Variants in WDR72 observed in about 807,000 individuals in gnomAD.
WDR72 encodes the protein WD repeat domain 72.
WDR72 carries 120 observed loss-of-function variants against 124.2 expected under a neutral mutation model. The ratio of observed to expected loss-of-function variants is 0.97; its 90% CI spans 0.83 to 1.12. The LOEUF (loss-of-function observed/expected upper bound fraction) is 1.12, where lower values mean the gene tolerates loss of function less well. Ranked by LOEUF, WDR72 falls within the 50% of genes most tolerant of loss-of-function variation. The pLI is 0.00. For missense variants in WDR72, 1,387 were observed against 1,278.8 expected, an observed-to-expected ratio of 1.08 and a Z score of -1.29; for synonymous variants, 452 against 441.7, an observed-to-expected ratio of 1.02 and a Z score of -0.29.
intron 13 of WDR72, among the ~76,000 whole-genome samples, chr15:53,680,724 G>T (rs1355069593): frequency 6.6e-6 from 1 of 152,182 alleles, no homozygotes; most frequent in African/African-American, 2.4e-5. Context: ...CTGCTCAACT[G>T]ATGAACTGTA....
At chr15:53,585,176 GA>G (rs575666642) in intron 18 of WDR72, among the ~76,000 whole-genome samples, 30 of 152,102 alleles carry the variant, frequency 2.0e-4, no homozygotes, top group African/African-American at 6.7e-4. Flanking sequence ...ATTTATAAAG[GA>G]AAGAGGTTTA....
At position 53,625,495 on chromosome 15, in the gene WDR72, T is replaced by C. The variant is rs530099491; in HGVS notation, c.1963-9252A>G. Reference sequence around the variant, plus strand: ...ACAATCCATTCCAACCTCTGAACTTTGGAGAGTTTGGGAGTAAAATAATGC... The same window carrying C: ...ACAATCCATTCCAACCTCTGAACTTCGGAGAGTTTGGGAGTAAAATAATGC... On this transcript the variant is annotated intron_variant, in intron 14 of 19. Transcript: ENST00000360509. 7.9e-5 allele frequency among the ~76,000 whole-genome samples: 12 copies of C among 152,294 alleles called. 1 individual carries two copies. The East Asian group carries it at 2.3e-3, about 29-fold the overall frequency.
intron 17 of WDR72, among the ~76,000 whole-genome samples, chr15:53,608,785 T>TAAATAAATAAATAAATAAAA (rs61501258): frequency 0.087 from 13,094 of 149,738 alleles, 816 homozygotes; most frequent in African/African-American, 0.16. Context: ...AATAAATAAA[T>TAAATAAATAAATAAATAAAA]ATAAAAATAA....
intron 18 of WDR72, among the ~76,000 whole-genome samples, chr15:53,555,272 G>A (rs894972373): frequency 2.6e-5 from 4 of 151,602 alleles, no homozygotes; most frequent in African/African-American, 4.8e-5. Flanking sequence ...CACCAACTCA[G>A]GAAGTGCACG....
At chr15:53,707,089 C>T (rs768445949) in intron 9 of WDR72, among the ~76,000 whole-genome samples, 7 of 151,998 alleles carry the variant, frequency 4.6e-5, no homozygotes, top group African/African-American at 1.2e-4. Flanking sequence ...CTCTCTTTGG[C>T]GCAGAAATAA....
chr15:53,519,421 C>T (rs1891656919), intron 19 of WDR72, among the ~76,000 whole-genome samples: 1 of 152,098 alleles, frequency 6.6e-6, no homozygotes, highest in Non-Finnish European at 1.5e-5. Flanking sequence ...GTTCATGATA[C>T]TGTCTCAGTG....
intron 15 of WDR72, among the ~76,000 whole-genome samples, chr15:53,614,766 C>A (rs893242338): frequency 6.6e-6 from 1 of 151,972 alleles, no homozygotes; most frequent in Non-Finnish European, 1.5e-5. Context: ...CTACACCACC[C>A]ACCTCATTTT....
At position 53,609,551 on chromosome 15, in the gene WDR72, A is replaced by C. The variant is rs750073948; in HGVS notation, c.2914T>G (p.Leu972Val). The change falls in exon 17 of 20, where the codon TTG (leucine) becomes GTG (valine). Residue 972 changes from leucine (L) to valine (V), a missense_variant. Physicochemically the swap from Leu to Val is conservative, Grantham distance 32 (BLOSUM62 1). Transcript: ENST00000360509. ...SHVPEADLSLLKLISCWRDQS... is the reference protein window; with the variant it reads ...SHVPEADLSLVKLISCWRDQS... ...TCTCTCCAACAGGAAATTAGCTTCA[A>C]AAGTGAAAGGTCAGCCTCAGGTACA... 1 of 1,613,606 alleles carries C rather than the reference A, an allele frequency of 6.2e-7. No individual in the cohort carries two copies. The highest frequency in any genetic ancestry group is 1.1e-5 in the South Asian group (1 of 91,082).
intron 3 of WDR72, among the ~76,000 whole-genome samples, chr15:53,718,501 A>G (rs930057493): frequency 1.3e-5 from 2 of 152,124 alleles, no homozygotes; most frequent in Non-Finnish European, 2.9e-5. Context: ...AAATAAAATG[A>G]AAATATATCA....
chr15:53,535,641 T>C (rs919326807), intron 18 of WDR72, among the ~76,000 whole-genome samples: 1 of 152,186 alleles, frequency 6.6e-6, no homozygotes, highest in East Asian at 1.9e-4. Flanking sequence ...AGTAAAAAAG[T>C]TGTCCAATTT....
chr15:53,528,646 G>A (rs1443146459), intron 18 of WDR72, among the ~76,000 whole-genome samples: 1 of 151,990 alleles, frequency 6.6e-6, no homozygotes, highest in African/African-American at 2.4e-5. Flanking sequence ...CCTAGATGTA[G>A]AGAATTTAAG....
intron 18 of WDR72, among the ~76,000 whole-genome samples, chr15:53,564,515 C>T (rs928158842): frequency 1.3e-5 from 2 of 151,764 alleles, no homozygotes; most frequent in Non-Finnish European, 2.9e-5. Flanking sequence ...TAAAATTAAA[C>T]TTTAAAGAAA....
intron 13 of WDR72, among the ~76,000 whole-genome samples, chr15:53,672,821 C>G (rs2016041137): frequency 6.6e-6 from 1 of 152,142 alleles, no homozygotes; most frequent in Admixed American, 6.6e-5. Context: ...TTATTATTTG[C>G]TGTCTTCTAC....
intron 18 of WDR72, among the ~76,000 whole-genome samples, chr15:53,585,280 C>T (rs192500748): frequency 3.9e-5 from 6 of 152,002 alleles, no homozygotes; most frequent in East Asian, 1.9e-4. Context: ...CTTTACAAGG[C>T]GGCAGGAGAG....
At chr15:53,616,449 T>C (rs577571021) in intron 14 of WDR72, among the ~76,000 whole-genome samples, 2 of 152,050 alleles carry the variant, frequency 1.3e-5, no homozygotes, top group Admixed American at 1.3e-4. Context: ...TCTTTTCTTT[T>C]TTCCTAAGTT....
chr15:53,594,627 T>TAAAA (rs60703765), intron 18 of WDR72, among the ~76,000 whole-genome samples: 13 of 142,040 alleles, frequency 9.2e-5, no homozygotes, highest in Admixed American at 5.6e-4. Context: ...AAATAAAAAT[T>TAAAA]AAAAAAAAAA....
intron 9 of WDR72, among the ~76,000 whole-genome samples, chr15:53,707,972 A>AGCTGGTG (rs2017430659): frequency 1.3e-5 from 2 of 152,154 alleles, no homozygotes; most frequent in African/African-American, 4.8e-5. Flanking sequence ...AACTCCTCCC[A>AGCTGGTG]GCTGGTGCTT....
At chr15:53,540,729 G>A (rs1183132118) in intron 18 of WDR72, among the ~76,000 whole-genome samples, 1 of 152,154 alleles carries the variant, frequency 6.6e-6, no homozygotes, top group Non-Finnish European at 1.5e-5. Flanking sequence ...TCCATCTGAG[G>A]TACCGGGTTC....
At chr15:53,681,206 C>CT (rs1301577450) in intron 13 of WDR72, among the ~76,000 whole-genome samples, 6 of 152,200 alleles carry the variant, frequency 3.9e-5, no homozygotes, top group African/African-American at 1.4e-4. Flanking sequence ...TTACAGTCCA[C>CT]TGAGTCTTGC....
Sources: allele counts gnomAD v4.1 joint callset (sites outside exome capture counted in the v4.1 genomes callset), GRCh38; gene constraint gnomAD v4.1.1; transcripts MANE v1.5; gene names NCBI Gene and HGNC (gene_info 2026-07-23, HGNC 2026-07-21).